The following NCALD variants were observed in gnomAD, a reference collection of about 807,000 sequenced individuals.
The protein encoded by NCALD is neurocalcin-delta.
NCALD carries 10 observed loss-of-function variants against 18.6 expected under a neutral mutation model. The ratio of observed to expected loss-of-function variants is 0.54; its 90% CI spans 0.33 to 0.91. The LOEUF (loss-of-function observed/expected upper bound fraction) is 0.91, where lower values mean the gene tolerates loss of function less well. Among genes scored for constraint, NCALD ranks in the 40% least tolerant of loss-of-function variants. The pLI is 0.03. For synonymous variants in NCALD, 88 were observed against 87.4 expected (o/e 1.01, Z -0.04); for missense variants, 184 against 247.6 (o/e 0.74, Z 1.72).
At chr8:101,937,687 T>C (rs1016397006) in intron 2 of NCALD, among the ~76,000 whole-genome samples, 3 of 152,218 alleles carry the variant, frequency 2.0e-5, no homozygotes, top group African/African-American at 7.2e-5. Context: ...TCTCATTTCT[T>C]ATTCATTCCA....
At chr8:101,863,071 A>C (rs1485264762) in intron 4 of NCALD, among the ~76,000 whole-genome samples, 2 of 152,160 alleles carry the variant, frequency 1.3e-5, no homozygotes, top group African/African-American at 4.8e-5. Context: ...TTCTGAAATG[A>C]AATCCAAGCA....
intron 2 of NCALD, among the ~76,000 whole-genome samples, chr8:101,974,236 G>A (rs776193239): frequency 7.9e-5 from 12 of 152,024 alleles, no homozygotes; most frequent in African/African-American, 2.2e-4. Flanking sequence ...GGCAAAACCC[G>A]CAATTACTTT....
At chr8:102,011,905 C>T (rs1208907580) in intron 2 of NCALD, among the ~76,000 whole-genome samples, 4 of 152,186 alleles carry the variant, frequency 2.6e-5, no homozygotes, top group Non-Finnish European at 5.9e-5. Context: ...GGAAATTCAT[C>T]TTCAGGTCCT....
At chr8:101,838,045 G>T (rs933502175) in intron 4 of NCALD, among the ~76,000 whole-genome samples, 1 of 152,148 alleles carries the variant, frequency 6.6e-6, no homozygotes, top group Non-Finnish European at 1.5e-5. Context: ...TGACAGGGTA[G>T]AGAAAAGACA....
chr8:101,793,314 C>T (rs954379552), upstream of NCALD, among the ~76,000 whole-genome samples: 2 of 149,432 alleles, frequency 1.3e-5, no homozygotes, highest in Non-Finnish European at 3.0e-5. Flanking sequence ...CATGCCACTG[C>T]ACTCCAGCCT....
intron 1 of NCALD, among the ~76,000 whole-genome samples, chr8:101,749,613 T>C (rs1810569232): frequency 6.6e-6 from 1 of 152,130 alleles, no homozygotes; most frequent in Non-Finnish European, 1.5e-5. Context: ...CAAGGTTGTA[T>C]AAAGAAACAT....
intron 4 of NCALD, among the ~76,000 whole-genome samples, chr8:101,829,338 G>A (rs1814074992): frequency 6.6e-6 from 1 of 152,070 alleles, no homozygotes; most frequent in Non-Finnish European, 1.5e-5. Context: ...AAAGAACCTG[G>A]TCTATGTATT....
At chr8:101,865,652 C>T (rs1359968631) in intron 4 of NCALD, among the ~76,000 whole-genome samples, 1 of 150,822 alleles carries the variant, frequency 6.6e-6, no homozygotes, top group African/African-American at 2.5e-5. Flanking sequence ...AGTGTTTGTG[C>T]ATATGATATT....
chr8:102,043,035 T>C (rs1289056323), intron 1 of NCALD, among the ~76,000 whole-genome samples: 2 of 151,888 alleles, frequency 1.3e-5, no homozygotes, highest in East Asian at 1.9e-4. Context: ...GTAGCCAACA[T>C]ACCACTCCAA....
chr8:101,741,861 CAGG>C (rs1810202265), intron 1 of NCALD, among the ~76,000 whole-genome samples: 1 of 143,180 alleles, frequency 7.0e-6, no homozygotes, highest in Admixed American at 7.5e-5. Flanking sequence ...CACTTTAGCC[CAGG>C]AGGTCAAGGC....
intron 2 of NCALD, among the ~76,000 whole-genome samples, chr8:101,979,212 G>T (rs966720294): frequency 1.6e-4 from 25 of 152,140 alleles, no homozygotes; most frequent in Admixed American, 1.6e-3. Context: ...AATCAGGAGG[G>T]CATCTTTCAG....
intron 4 of NCALD, chr8:101,872,502 C>G: frequency 1.3e-6 from 1 of 762,900 alleles, no homozygotes; most frequent in Non-Finnish European, 2.4e-6. Flanking sequence ...AGATGCCCTT[C>G]TTGTCTAAGA....
At chr8:102,074,766 G>T (rs1824287819) in intron 1 of NCALD, among the ~76,000 whole-genome samples, 1 of 152,102 alleles carries the variant, frequency 6.6e-6, no homozygotes, top group African/African-American at 2.4e-5. Context: ...CTTCTATAAA[G>T]AACTTGAAGA....
chr8:101,831,148 T>A (rs1362505299), intron 4 of NCALD, among the ~76,000 whole-genome samples: 3 of 152,096 alleles, frequency 2.0e-5, no homozygotes, highest in African/African-American at 4.8e-5. Flanking sequence ...TTAGAAAAAA[T>A]TATCTAAATA....
chr8:101,964,360 G>A (rs564694162), intron 2 of NCALD, among the ~76,000 whole-genome samples: 16 of 152,276 alleles, frequency 1.1e-4, no homozygotes, highest in African/African-American at 3.4e-4. Context: ...ATAACCCTCT[G>A]ATTTCATTGG....
At position 102,078,637 on chromosome 8, in the gene NCALD, C is replaced by T. The variant is rs117746381; in HGVS notation, c.-210+45600G>A. 7.9e-4 allele frequency among the ~76,000 whole-genome samples: 121 copies of T among 152,328 alleles called. 1 individual carries two copies. The highest frequency in any genetic ancestry group is 1.4e-3 in the Non-Finnish European group (95 of 68,032). ...ACCACCTTCACTCCTCACACACAAC[C>T]TTGACTCATGCTGGCCTCTTTGCCT... On this transcript the variant is annotated intron_variant, in intron 1 of 6. Coordinates refer to the NCALD transcript ENST00000311028.
chr8:101,702,461 C>T (rs922038668), intron 2 of NCALD, among the ~76,000 whole-genome samples: 3 of 152,082 alleles, frequency 2.0e-5, no homozygotes, highest in African/African-American at 7.2e-5. Context: ...AACTCCTGGG[C>T]TCAAGAGATC....
chr8:101,695,691 G>A (rs746300429), intron 2 of NCALD, among the ~76,000 whole-genome samples: 2 of 151,996 alleles, frequency 1.3e-5, no homozygotes, highest in African/African-American at 4.8e-5. Flanking sequence ...CTAGCAAGGG[G>A]CTCCAACCCA....
rs1015144708 is a variant in NCALD, at chr8:101,847,273, G to T, written c.-20+39868C>A. On this transcript the variant is annotated intron_variant, in intron 4 of 6. Coordinates refer to the NCALD transcript ENST00000311028. ...CCAAGTCAGGTCAGACAGGTAATGTGCCAATGTCGTAACAAGGTTCAGAGG... is the reference window on the plus strand; with the variant it reads ...CCAAGTCAGGTCAGACAGGTAATGTTCCAATGTCGTAACAAGGTTCAGAGG... 2.5e-5 allele frequency: 6 copies of T among 239,128 alleles called. No homozygotes were observed. In the East Asian group the frequency reaches 6.2e-4, roughly 25 times the overall value. 14.8% of individuals were successfully genotyped at this position (239,128 alleles called of 1,614,324 possible).
Sources: allele counts gnomAD v4.1 joint callset (sites outside exome capture counted in the v4.1 genomes callset), GRCh38; gene constraint gnomAD v4.1.1; transcripts MANE v1.5; gene names NCBI Gene and HGNC (gene_info 2026-07-23, HGNC 2026-07-21).